TBC1D22A: variants seen among roughly 807,000 people sequenced by gnomAD.
The protein encoded by TBC1D22A is putative GTPase activator.
TBC1D22A carries 38 observed loss-of-function variants against 60.2 expected under a neutral mutation model. That is an observed-to-expected ratio of 0.63 (90% CI 0.49 to 0.83). The LOEUF (loss-of-function observed/expected upper bound fraction) is 0.83. Ranked by LOEUF, TBC1D22A falls within the 40% of genes least tolerant of loss-of-function variation. The pLI is 0.00. For missense variants in TBC1D22A, 628 were observed against 701.0 expected, an observed-to-expected ratio of 0.90 and a Z score of 1.18; for synonymous variants, 302 against 281.7, an observed-to-expected ratio of 1.07 and a Z score of -0.72.
intron 11 of TBC1D22A, among the ~76,000 whole-genome samples, chr22:47,075,879 A>G (rs1310773366): frequency 6.6e-6 from 1 of 152,170 alleles, no homozygotes; most frequent in East Asian, 1.9e-4. Flanking sequence ...AATCATGACT[A>G]AAGAAAGTTG....
chr22:47,144,027 C>T (rs1438945609), intron 12 of TBC1D22A, among the ~76,000 whole-genome samples: 1 of 152,238 alleles, frequency 6.6e-6, no homozygotes, highest in Non-Finnish European at 1.5e-5. Context: ...AAGGCCCCTC[C>T]TCCAGCACTC....
At chr22:46,962,169 G>A (rs577244570) in intron 8 of TBC1D22A, among the ~76,000 whole-genome samples, 3 of 152,278 alleles carry the variant, frequency 2.0e-5, no homozygotes, top group South Asian at 2.1e-4. Context: ...ATCGGTGCTC[G>A]CCACCTCACT....
chr22:46,768,484 CAAAAAAAAAAAAAAAA>C (rs3083471), intron 1 of TBC1D22A, among the ~76,000 whole-genome samples: 1 of 80,366 alleles, frequency 1.2e-5, no homozygotes, highest in Non-Finnish European at 2.3e-5. Context: ...GACTCTGTCT[CAAAAAAAAAAAAAAAA>C]AAAAAAAAAT....
At chr22:46,985,410 CCT>C (rs1284458633) in intron 9 of TBC1D22A, among the ~76,000 whole-genome samples, 1 of 152,098 alleles carries the variant, frequency 6.6e-6, no homozygotes, top group Non-Finnish European at 1.5e-5. Flanking sequence ...ATTGAGGACT[CCT>C]GCCAAGATTT....
chr22:47,019,095 C>T (rs534577688), intron 10 of TBC1D22A, among the ~76,000 whole-genome samples: 4 of 152,240 alleles, frequency 2.6e-5, no homozygotes, highest in African/African-American at 9.6e-5. Context: ...TTCACTCCCG[C>T]GCCTCCCAGC....
Position 46,891,253 on chromosome 22 carries a change from A to T in TBC1D22A, c.709-13A>T, listed in dbSNP as rs780728633. The T allele has an allele frequency of 1.1e-5, 17 of 1,590,646 alleles. No individual in the cohort carries two copies. The highest frequency in any genetic ancestry group is 9.2e-5 in the Admixed American group (5 of 54,106). On this transcript the variant is annotated splice_polypyrimidine_tract_variant and intron_variant, in intron 5 of 12. Transcript: ENST00000337137. ...CTATAACCATGTATATTTTTTGTTT[A>T]TTTCTCACCCAGGGTTACCTTCCCG...
intron 10 of TBC1D22A, 92 bp downstream of exon 10, chr22:46,997,801 C>A: frequency 2.5e-6 from 3 of 1,201,728 alleles, no homozygotes; most frequent in Non-Finnish European, 3.7e-6. Flanking sequence ...CATCCGCCGG[C>A]AGCATCCTGG....
At chr22:47,031,660 T>G (rs2062478783) in intron 10 of TBC1D22A, among the ~76,000 whole-genome samples, 1 of 152,154 alleles carries the variant, frequency 6.6e-6, no homozygotes, top group African/African-American at 2.4e-5. Context: ...GTGGCAATCC[T>G]CAGGCCCATC....
chr22:47,010,553 C>T (rs1268755761), intron 10 of TBC1D22A, among the ~76,000 whole-genome samples: 2 of 152,180 alleles, frequency 1.3e-5, no homozygotes, highest in African/African-American at 4.8e-5. Context: ...CTGGTTCAGG[C>T]AGAGTCTTGG....
At chr22:47,003,230 T>C (rs2061453329) in intron 10 of TBC1D22A, among the ~76,000 whole-genome samples, 1 of 152,092 alleles carries the variant, frequency 6.6e-6, no homozygotes, top group Non-Finnish European at 1.5e-5. Context: ...TTCTTCTGTA[T>C]TTATCTGGTA....
At chr22:46,945,803 C>G (rs903323528) in intron 8 of TBC1D22A, among the ~76,000 whole-genome samples, 12 of 152,164 alleles carry the variant, frequency 7.9e-5, no homozygotes, top group African/African-American at 2.9e-4. Context: ...TCTGTAGAGG[C>G]GGGTCGAGGC....
At chr22:46,808,307 G>A (rs1018460172) in intron 4 of TBC1D22A, among the ~76,000 whole-genome samples, 2 of 150,102 alleles carry the variant, frequency 1.3e-5, no homozygotes, top group Admixed American at 1.3e-4. Flanking sequence ...GCAGTGAGCC[G>A]AGATTGTGCC....
At chr22:46,946,370 C>G (rs1039573199) in intron 8 of TBC1D22A, among the ~76,000 whole-genome samples, 5 of 152,192 alleles carry the variant, frequency 3.3e-5, no homozygotes, top group African/African-American at 9.7e-5. Flanking sequence ...GTGCCCCTGA[C>G]GAGCAGAGGC....
In TBC1D22A at chr22:47,057,646, A is replaced by G. The variant is rs74767293; in HGVS notation, c.1329+20448A>G. ...AAGGAGGAGCAAAAGCGCGTCTTACATAGCGGCAGGCAAGAGGGCGTGTGC... is the reference window on the plus strand; with the variant it reads ...AAGGAGGAGCAAAAGCGCGTCTTACGTAGCGGCAGGCAAGAGGGCGTGTGC... On this transcript the variant is annotated intron_variant, in intron 11 of 12. Coordinates refer to ENST00000337137, the MANE Select transcript of TBC1D22A (RefSeq NM_014346.5). Among the ~76,000 whole-genome samples the G allele has an allele frequency of 7.8e-3, 1,186 of 152,342 alleles. 19 individuals are homozygous for G. Among genetic ancestry groups the G allele is most frequent in the African/African-American group, 0.027 (1,133 of 41,580 alleles).
chr22:46,873,223 G>A (rs1012990097), intron 4 of TBC1D22A, among the ~76,000 whole-genome samples: 1 of 152,130 alleles, frequency 6.6e-6, no homozygotes, highest in Non-Finnish European at 1.5e-5. Flanking sequence ...AATAAAATAT[G>A]GGTAAAGGAT....
intron 12 of TBC1D22A, among the ~76,000 whole-genome samples, chr22:47,169,716 G>T (rs775627669): frequency 1.6e-4 from 25 of 152,230 alleles, no homozygotes; most frequent in Non-Finnish European, 2.9e-4. Context: ...GGGACCGGGG[G>T]AGGGACGGAT....
intron 12 of TBC1D22A, among the ~76,000 whole-genome samples, chr22:47,140,553 C>CAAA (rs940877057): frequency 2.9e-5 from 2 of 69,858 alleles, no homozygotes; most frequent in Non-Finnish European, 6.4e-5. Context: ...GACTCTGTCT[C>CAAA]AAAAAAAAAA....
chr22:46,994,293 C>G (rs1447982677), intron 9 of TBC1D22A, among the ~76,000 whole-genome samples: 1 of 152,186 alleles, frequency 6.6e-6, no homozygotes, highest in Non-Finnish European at 1.5e-5. Flanking sequence ...CTGACTGATC[C>G]CAGGACCCAT....
At chr22:46,982,067 T>C (rs2074535216) in intron 9 of TBC1D22A, among the ~76,000 whole-genome samples, 1 of 151,978 alleles carries the variant, frequency 6.6e-6, no homozygotes, top group African/African-American at 2.4e-5. Context: ...TCAGAGTGCT[T>C]AGGGAGCAGG....
Sources: allele counts gnomAD v4.1 joint callset (sites outside exome capture counted in the v4.1 genomes callset), GRCh38; gene constraint gnomAD v4.1.1; transcripts MANE v1.5; gene names NCBI Gene and HGNC (gene_info 2026-07-23, HGNC 2026-07-21).